MEGF10: variants seen among roughly 807,000 people sequenced by gnomAD.
MEGF10 encodes the protein multiple epidermal growth factor-like domains protein 10.
Under a neutral mutation model 147.5 loss-of-function variants are expected in MEGF10, and 86 were observed. The ratio of observed to expected loss-of-function variants is 0.58; its 90% CI spans 0.49 to 0.70. MEGF10 has a LOEUF of 0.70. MEGF10 is among the 30% of genes least tolerant of loss of function. The probability of loss-of-function intolerance (pLI) is 0.00; values close to 1 mark genes in which losing one functional copy is unlikely to be tolerated. For missense variants in MEGF10, 1,329 were observed against 1,487.3 expected (o/e 0.89, Z 1.75); for synonymous variants, 478 against 525.5 (o/e 0.91, Z 1.24).
At chr5:127,237,658 C>T in the MEGF10 span, among the ~76,000 whole-genome samples, 1 of 152,098 alleles carries the variant, frequency 6.6e-6, no homozygotes, top group African/African-American at 2.4e-5. Flanking sequence ...TTAAATCCTA[C>T]AGCAGGAAGA....
At chr5:127,246,943 T>TAATATATAC in the MEGF10 span, among the ~76,000 whole-genome samples, 3 of 2,976 alleles carry the variant, frequency 1.0e-3, no homozygotes, top group African/African-American at 1.3e-3. Context: ...TATGATTATA[T>TAATATATAC]TATATATAAT....
chr5:127,247,550 A>C, the MEGF10 span, among the ~76,000 whole-genome samples: 1 of 152,032 alleles, frequency 6.6e-6, no homozygotes, highest in African/African-American at 2.4e-5. Context: ...TGATTTATCT[A>C]TGCAACTTTA....
chr5:127,286,563 G>A (rs1233262452), upstream of MEGF10, among the ~76,000 whole-genome samples: 2 of 151,700 alleles, frequency 1.3e-5, no homozygotes, highest in Non-Finnish European at 1.5e-5. Context: ...CAAAATTTGT[G>A]GAACATGGTT....
At chr5:127,375,001 A>C (rs971973454) in intron 5 of MEGF10, among the ~76,000 whole-genome samples, 1 of 152,156 alleles carries the variant, frequency 6.6e-6, no homozygotes, top group Non-Finnish European at 1.5e-5. Context: ...CTGGTTGTTG[A>C]CATTTGTCAT....
At chr5:127,429,457 G>C (rs1244126561) in intron 13 of MEGF10, among the ~76,000 whole-genome samples, 1 of 152,200 alleles carries the variant, frequency 6.6e-6, no homozygotes, top group Non-Finnish European at 1.5e-5. Flanking sequence ...CCATTGGAAA[G>C]TGGTCCTGAA....
chr5:127,376,902 T>C (rs1763053845), intron 5 of MEGF10, among the ~76,000 whole-genome samples: 3 of 152,168 alleles, frequency 2.0e-5, no homozygotes, highest in Non-Finnish European at 4.4e-5. Flanking sequence ...CACCGTGGTA[T>C]GGGGCTAACG....
At chr5:127,310,203 T>C (rs1760228675) in intron 1 of MEGF10, among the ~76,000 whole-genome samples, 1 of 151,720 alleles carries the variant, frequency 6.6e-6, no homozygotes, top group South Asian at 2.1e-4. Flanking sequence ...ATATTGGCCA[T>C]TGGTATATCT....
At chr5:127,235,336 G>A in the MEGF10 span, among the ~76,000 whole-genome samples, 5 of 152,226 alleles carry the variant, frequency 3.3e-5, no homozygotes, top group East Asian at 1.9e-4. Context: ...ACATGCCCAC[G>A]CCAGAAACCT....
At chr5:127,304,455 C>G (rs1408238259) in intron 1 of MEGF10, among the ~76,000 whole-genome samples, 1 of 152,098 alleles carries the variant, frequency 6.6e-6, no homozygotes, top group African/African-American at 2.4e-5. Flanking sequence ...ATGAAATAGC[C>G]AACTAGAACA....
intron 1 of MEGF10, among the ~76,000 whole-genome samples, chr5:127,293,625 T>C (rs1387065370): frequency 1.3e-5 from 2 of 152,224 alleles, no homozygotes; most frequent in Non-Finnish European, 1.5e-5. Context: ...ACCTTCTTTG[T>C]GATTGTCTGC....
chr5:127,297,071 A>T (rs1201131976), intron 1 of MEGF10, among the ~76,000 whole-genome samples: 3 of 152,146 alleles, frequency 2.0e-5, no homozygotes, highest in Non-Finnish European at 4.4e-5. Flanking sequence ...GGTTCAAGTG[A>T]TCCTCCTGCC....
the MEGF10 span, among the ~76,000 whole-genome samples, chr5:127,255,553 A>G: frequency 6.6e-6 from 1 of 152,214 alleles, no homozygotes; most frequent in Non-Finnish European, 1.5e-5. Context: ...TGAAGCTAGA[A>G]GCAAGATGGA....
intron 23 of MEGF10, among the ~76,000 whole-genome samples, 158 bp downstream of exon 23, chr5:127,454,768 A>G (rs1289946092): frequency 6.6e-6 from 1 of 152,228 alleles, no homozygotes; most frequent in Non-Finnish European, 1.5e-5. Context: ...TGTGTGACTG[A>G]CATCAAGAAA....
chr5:127,234,913 G>A, the MEGF10 span, among the ~76,000 whole-genome samples: 1 of 151,278 alleles, frequency 6.6e-6, no homozygotes, highest in Non-Finnish European at 1.5e-5. Flanking sequence ...GCACAATCTC[G>A]GCTCACTGCA....
chr5:127,248,547 A>G, the MEGF10 span, among the ~76,000 whole-genome samples: 1 of 152,120 alleles, frequency 6.6e-6, no homozygotes, highest in African/African-American at 2.4e-5. Context: ...GGTATAAAAA[A>G]TACCTAACTA....
intron 17 of MEGF10, 94 bp downstream of exon 17, chr5:127,438,661 G>A: frequency 3.6e-6 from 5 of 1,399,278 alleles, no homozygotes; most frequent in South Asian, 1.3e-5. Context: ...GCTCAACAAA[G>A]GTCCCTGAGG....
chr5:127,433,475 T>A lies in MEGF10; in HGVS notation c.1806T>A (p.Cys602Ter), dbSNP rs757385329. Residue 602 changes from cysteine to a stop codon, truncating the protein, a stop_gained, in exon 14 of 25, where the codon TGT becomes TGA. Transcript: ENST00000503335. LOFTEE classifies it high-confidence loss of function. ...SCSPDDGICE[C>*]APGFRGTTCQ... The stretch of plus-strand genomic sequence containing the variant: ...CCCCTGATGATGGCATCTGCGAGTG[T>A]GCACCAGGCTTCCGAGGCACCACTT... 6.2e-7 allele frequency: 1 copy of A among 1,612,548 alleles called. No individual in the cohort carries two copies. Among genetic ancestry groups the A allele is most frequent in the Non-Finnish European group, 8.5e-7 (1 of 1,179,266 alleles).
intron 1 of MEGF10, among the ~76,000 whole-genome samples, chr5:127,303,364 G>A (rs992238977): frequency 6.7e-6 from 1 of 149,536 alleles, no homozygotes; most frequent in African/African-American, 2.4e-5. Flanking sequence ...AAGCAATAAG[G>A]TTGGAAGTGT....
intron 12 of MEGF10, among the ~76,000 whole-genome samples, chr5:127,422,042 A>G (rs1765031043): frequency 6.7e-6 from 1 of 149,604 alleles, no homozygotes; most frequent in African/African-American, 2.4e-5. Context: ...CTCTAAAATT[A>G]TAGTTTTAAA....
Sources: allele counts gnomAD v4.1 joint callset (sites outside exome capture counted in the v4.1 genomes callset), GRCh38; gene constraint gnomAD v4.1.1; transcripts MANE v1.5; gene names NCBI Gene and HGNC (gene_info 2026-07-23, HGNC 2026-07-21).